Variants in NFIC observed in about 807,000 individuals in gnomAD.
NFIC encodes nuclear factor I C, also known as nuclear factor 1 C-type.
NFIC carries 12 observed loss-of-function variants against 54.4 expected under a neutral mutation model. The observed-to-expected ratio is 0.22, with a 90% CI of 0.14 to 0.36. The LOEUF is 0.36. Among genes scored for constraint, NFIC ranks in the 10% least tolerant of loss-of-function variants. NFIC has a pLI of 1.00. For synonymous variants in NFIC, 322 were observed against 319.2 expected (o/e 1.01, Z -0.09); for missense variants, 575 against 718.2 (o/e 0.80, Z 2.28).
Position 3,423,538 on chromosome 19 carries a change from G to A in NFIC, c.563-1568G>A, listed in dbSNP as rs79102155. On this transcript the variant is annotated intron_variant, in intron 2 of 10. Coordinates refer to ENST00000443272, the MANE Select transcript of NFIC (RefSeq NM_001245002.2). The stretch of plus-strand genomic sequence containing the variant: ...TCCATGGGTGGGGCTGGGGAGGGGC[G>A]TCTGCCTGGCTGGGCTTGTCCACCT... Among the ~76,000 whole-genome samples the A allele has an allele frequency of 6.0e-4, 91 of 152,226 alleles. 3 individuals carry two copies. In the East Asian group the frequency reaches 0.016, roughly 27 times the overall value.
intron 4 of NFIC, 65 bp downstream of exon 4, chr19:3,433,657 GCCCAC>G: frequency 6.5e-7 from 1 of 1,536,370 alleles, no homozygotes; most frequent in Non-Finnish European, 9.0e-7. Flanking sequence ...GGAGGAAGGA[GCCCAC>G]CCCCCTCACC....
chr19:3,425,060 G>C, intron 2 of NFIC, 46 bp from the exon 3 acceptor site: 1 of 1,601,894 alleles, frequency 6.2e-7, no homozygotes, highest in Non-Finnish European at 8.5e-7. Flanking sequence ...TGCTCCTGGG[G>C]TGGGGTCTCT....
chr19:3,434,097 C>G (rs1053463987), intron 4 of NFIC, among the ~76,000 whole-genome samples, 180 bp from the exon 5 acceptor site: 44 of 152,204 alleles, frequency 2.9e-4, no homozygotes, highest in African/African-American at 1.0e-3. Flanking sequence ...TGGCCTCTCC[C>G]CATGGCCTTG....
At position 3,378,237 on chromosome 19, in the gene NFIC, G is replaced by A. The variant is rs10413191; in HGVS notation, c.31-3475G>A. 7.1e-3 allele frequency among the ~76,000 whole-genome samples: 1,074 copies of A among 150,748 alleles called. 14 individuals are homozygous for A. Among genetic ancestry groups the A allele is most frequent in the African/African-American group, 0.024 (1,000 of 41,028 alleles). ...GATTGTGCCACTGCACTCCAGCCTGGGTGACAAGAGTGAAACTCTGTCTCA... is the reference window on the plus strand; with the variant it reads ...GATTGTGCCACTGCACTCCAGCCTGAGTGACAAGAGTGAAACTCTGTCTCA... On this transcript the variant is annotated intron_variant, in intron 1 of 10. Transcript: ENST00000443272.
chr19:3,371,813 C>T (rs1012841644), intron 1 of NFIC, among the ~76,000 whole-genome samples: 1 of 151,970 alleles, frequency 6.6e-6, no homozygotes. Flanking sequence ...CTGGAAAGGC[C>T]CAGGCTCAGA....
rs1242406496 is a variant in NFIC at position 3,459,952 on chromosome 19, G to T, written c.1510-2800G>T. Among the ~76,000 whole-genome samples, 1 of 152,146 alleles carries T rather than the reference G, an allele frequency of 6.6e-6. No individual in the cohort carries two copies. Among genetic ancestry groups the T allele is most frequent in the Non-Finnish European group, 1.5e-5 (1 of 68,026 alleles). On this transcript the variant is annotated intron_variant, in intron 10 of 10. Transcript: ENST00000443272. The surrounding 1 kb of genome is among the most constrained non-coding windows in gnomAD (Gnocchi z 4.2). ...GAGTGGAGGGGTCTCCCCAGTTCCA[G>T]AGGCACAGCCCTCCCCTCACAGTCC...
rs558166315 is a variant in NFIC, at chr19:3,415,780, C to T, written c.563-9326C>T. On this transcript the variant is annotated intron_variant, in intron 2 of 10. Coordinates refer to ENST00000443272, the MANE Select transcript of NFIC (RefSeq NM_001245002.2). ...AAGTTGTTCAGTGATGTGCATTTGT[C>T]GAGCACCTACTGTATACCTGGTGCC... Among the ~76,000 whole-genome samples the T allele has an allele frequency of 3.9e-5, 6 of 152,192 alleles. No homozygotes were observed. In the South Asian group the frequency reaches 1.0e-3, roughly 26 times the overall value.
intron 3 of NFIC, among the ~76,000 whole-genome samples, chr19:3,427,011 C>T (rs775781958): frequency 4.6e-5 from 7 of 151,736 alleles, no homozygotes; most frequent in African/African-American, 7.3e-5. Context: ...ACTGCCATCC[C>T]CGCCTCCTAG....
At chr19:3,383,284 T>C (rs2081242721) in intron 2 of NFIC, among the ~76,000 whole-genome samples, 1 of 152,106 alleles carries the variant, frequency 6.6e-6, no homozygotes, top group African/African-American at 2.4e-5. Flanking sequence ...TGAGACCAGC[T>C]AGCTCTGTGG....
rs1161165496 is a variant in NFIC at position 3,464,857 on chromosome 19, C to A, written c.*2088C>A. 3.3e-6 allele frequency: 1 copy of A among 302,072 alleles called. No individual in the cohort carries two copies. The highest frequency in any genetic ancestry group is 1.8e-4 in the East Asian group (1 of 5,612). The allele number at this position is 302,072 out of a possible 1,614,324, so 18.7% of individuals were successfully genotyped here. ...TGGCCCTTGGGGATCAAAGCGTGGG[C>A]CGCTCTCCGGGAGGGCGGGCGGGGG... On this transcript the variant is annotated 3_prime_UTR_variant, in exon 11 of 11. Transcript: ENST00000443272.
chr19:3,432,258 T>C (rs576684167), intron 3 of NFIC, among the ~76,000 whole-genome samples: 7 of 152,232 alleles, frequency 4.6e-5, no homozygotes, highest in African/African-American at 1.7e-4. Flanking sequence ...TCCTTTAATA[T>C]TAGGTAGGAG....
chr19:3,410,323 T>A (rs145567574), intron 2 of NFIC, among the ~76,000 whole-genome samples: 211 of 152,314 alleles, frequency 1.4e-3, no homozygotes, highest in African/African-American at 4.7e-3. Context: ...CCATGCTAAA[T>A]GGTGCTGAAA....
Position 3,459,491 on chromosome 19 carries a change from C to T in NFIC, c.1509+2856C>T, listed in dbSNP as rs904642980. Among the ~76,000 whole-genome samples the T allele has an allele frequency of 2.6e-5, 4 of 152,118 alleles. No individual in the cohort carries two copies. The highest frequency in any genetic ancestry group is 4.1e-4 in the South Asian group (2 of 4,822). ...GCAAGGCGGGCATTGAGCCACATGC[C>T]GGGAGCCACACAGGCGGCTGCAGCC... On this transcript the variant is annotated intron_variant, in intron 10 of 10. Coordinates refer to ENST00000443272, the MANE Select transcript of NFIC (RefSeq NM_001245002.2). The surrounding 1 kb of genome is among the most constrained non-coding windows in gnomAD (Gnocchi z 4.2).
At chr19:3,407,110 CTGTTTTT>C (rs1365203826) in intron 2 of NFIC, among the ~76,000 whole-genome samples, 4 of 152,048 alleles carry the variant, frequency 2.6e-5, no homozygotes, top group South Asian at 2.1e-4. Context: ...ATTTGGTTTT[CTGTTTTT>C]TGTTTTTTGT....
upstream of NFIC, among the ~76,000 whole-genome samples, chr19:3,366,146 A>C (rs1479039075): frequency 6.6e-6 from 1 of 151,036 alleles, no homozygotes; most frequent in Non-Finnish European, 1.5e-5. Flanking sequence ...GTCCAGAAAC[A>C]ACCCTGTCCC....
chr19:3,445,418 C>A (rs1373092594), intron 6 of NFIC, among the ~76,000 whole-genome samples: 1 of 152,230 alleles, frequency 6.6e-6, no homozygotes, highest in East Asian at 1.9e-4. Flanking sequence ...TGTCCGAGGC[C>A]TCAGGAGTGT....
chr19:3,458,337 C>T lies in NFIC; in HGVS notation c.1509+1702C>T, dbSNP rs1182280159. On this transcript the variant is annotated intron_variant, in intron 10 of 10. Coordinates refer to ENST00000443272, the MANE Select transcript of NFIC (RefSeq NM_001245002.2). This position sits in a 1 kb window ranked among gnomAD's most constrained non-coding sequence, Gnocchi z 4.1. ...CCCTGCCCCTGCGGGAGGCTGGGAA[C>T]GTCTTAAGTGGTTCAGAAACCAAAG... 6.6e-6 allele frequency among the ~76,000 whole-genome samples: 1 copy of T among 152,120 alleles called. No individual in the cohort carries two copies. Among genetic ancestry groups the T allele is most frequent in the Non-Finnish European group, 1.5e-5 (1 of 68,014 alleles).
At chr19:3,402,339 T>C (rs1167121284) in intron 2 of NFIC, among the ~76,000 whole-genome samples, 1 of 152,220 alleles carries the variant, frequency 6.6e-6, no homozygotes, top group Non-Finnish European at 1.5e-5. Context: ...CTGGAGCCAC[T>C]GCGCCCAGAC....
chr19:3,463,359 CCGGCCGGGCAG>C lies in NFIC; in HGVS notation c.*594_*604del, dbSNP rs2082669023. 1 of 986,202 alleles carries C rather than the reference CCGGCCGGGCAG, an allele frequency of 1.0e-6. No homozygotes were observed. The highest frequency in any genetic ancestry group is 1.2e-6 in the Non-Finnish European group (1 of 830,630). The allele number at this position is 986,202 out of a possible 1,614,324, so 61.1% of individuals were successfully genotyped here. On this transcript the variant is annotated 3_prime_UTR_variant, in exon 11 of 11. Transcript: ENST00000443272. Reference sequence around the variant, plus strand: ...GGGGGAAAGGGAGACACAGCGGACCCCGGCCGGGCAGCGGAGACCGCAGAGGCGGGCAGGGT... The same window carrying C: ...GGGGGAAAGGGAGACACAGCGGACCCCGGAGACCGCAGAGGCGGGCAGGGT...
Sources: gnomAD v4.1 joint callset for allele counts (sites outside exome capture counted in the v4.1 genomes callset) on GRCh38, gnomAD v4.1.1 for gene constraint, Gnocchi (gnomAD v3.1) non-coding constraint, MANE v1.5 for transcripts, NCBI Gene and HGNC (gene_info 2026-07-23, HGNC 2026-07-21) for gene names.